The following MTERF4 variants were observed in gnomAD, a reference collection of about 807,000 sequenced individuals.
The protein encoded by MTERF4 is mitochondrial transcription termination factor 4.
In MTERF4, 17 loss-of-function variants were observed where a neutral mutation model predicts 22.5. That is an observed-to-expected ratio of 0.75 (90% CI 0.52 to 1.13). MTERF4 has a LOEUF of 1.13. Ranked by LOEUF, MTERF4 falls within the 50% of genes most tolerant of loss-of-function variation. The pLI, the probability that MTERF4 is intolerant of heterozygous loss-of-function variation, is 0.00. For synonymous variants in MTERF4, 165 were observed against 175.3 expected, an observed-to-expected ratio of 0.94 and a Z score of 0.47; for missense variants, 420 against 466.8, an observed-to-expected ratio of 0.90 and a Z score of 0.92.
exon 5 of MTERF4, chr2:241,074,833 G>A (rs536746869): frequency 6.6e-6 from 1 of 152,236 alleles, no homozygotes; most frequent in Admixed American, 6.5e-5. Context: ...GGATGTGAAC[G>A]ATACCTTCTA....
downstream of MTERF4, among the ~76,000 whole-genome samples, chr2:241,085,529 G>A (rs2063530934): frequency 2.0e-5 from 3 of 151,968 alleles, no homozygotes; most frequent in South Asian, 2.1e-4. Context: ...GATATTTTAA[G>A]GTCCTCATCT....
the MTERF4 span, among the ~76,000 whole-genome samples, chr2:241,051,020 G>C: frequency 5.0e-3 from 757 of 152,350 alleles, 4 homozygotes; most frequent in African/African-American, 0.016. This position sits in a 1 kb window ranked among gnomAD's most constrained non-coding sequence, Gnocchi z 4.7. Flanking sequence ...GGACAAGGAT[G>C]GCTGTCCTCA....
chr2:241,089,483 G>A (rs992872342), downstream of MTERF4: 5 of 1,507,976 alleles, frequency 3.3e-6, no homozygotes, highest in African/African-American at 5.6e-5. Flanking sequence ...CCCCTTGGGG[G>A]AAAGGTCTGG....
At chr2:241,048,947 CCATCCTTGA>C in the MTERF4 span, 1 of 1,385,726 alleles carries the variant, frequency 7.2e-7, no homozygotes, top group East Asian at 2.5e-5. Flanking sequence ...TTGGGAGGCC[CCATCCTTGA>C]CAAGGACTCG....
In MTERF4 at chr2:241,095,615, A is replaced by G. The variant is rs2064360616; in HGVS notation, c.*383T>C. 1 of 202,238 alleles carries G rather than the reference A, an allele frequency of 4.9e-6. No individual in the cohort carries two copies. Among genetic ancestry groups the G allele is most frequent in the African/African-American group, 2.3e-5 (1 of 42,830 alleles). 12.5% of individuals were successfully genotyped at this position (202,238 alleles called of 1,614,324 possible). A position where few individuals can be genotyped will look rare whatever the true frequency, so the allele number is the denominator to read the frequency against. On this transcript the variant is annotated 3_prime_UTR_variant, in exon 4 of 4. Transcript: ENST00000391980. Reference sequence around the variant, plus strand: ...TTTTTATCACAAGAAGGAAATACATAGTGATTCCTGAACCGGAAGAATGAA... The same window carrying G: ...TTTTTATCACAAGAAGGAAATACATGGTGATTCCTGAACCGGAAGAATGAA...
At chr2:241,054,269 C>A in the MTERF4 span, among the ~76,000 whole-genome samples, 1 of 152,160 alleles carries the variant, frequency 6.6e-6, no homozygotes, top group Non-Finnish European at 1.5e-5. Flanking sequence ...ATCGAGACAC[C>A]TGAAAAGTAC....
At chr2:241,090,154 CG>C, downstream of MTERF4, 1 of 1,461,550 alleles carries the variant, frequency 6.8e-7, no homozygotes, top group Non-Finnish European at 9.1e-7. Flanking sequence ...ACACACTGTA[CG>C]GATGTTCAAA....
chr2:241,096,483 G>A lies in MTERF4; in HGVS notation c.706-45C>T, dbSNP rs755362098. On this transcript the variant is annotated intron_variant, in intron 3 of 3. Transcript: ENST00000391980. The surrounding 1 kb of genome is among the most constrained non-coding windows in gnomAD (Gnocchi z 5.1). ...TTAGGAGTCCCAGATACAGAGTATT[G>A]AAACCTATCATTCTATAAACCATAA... The A allele has an allele frequency of 1.3e-6, 2 of 1,591,890 alleles. No homozygotes were observed. The highest frequency in any genetic ancestry group is 2.2e-5 in the South Asian group (2 of 90,404).
At chr2:241,087,728 A>G, downstream of MTERF4, 1 of 1,331,534 alleles carries the variant, frequency 7.5e-7, no homozygotes, top group Non-Finnish European at 9.6e-7. Flanking sequence ...ATGCATATTC[A>G]CACAGAACAT....
At chr2:241,057,309 G>C in the MTERF4 span, among the ~76,000 whole-genome samples, 2 of 150,618 alleles carry the variant, frequency 1.3e-5, no homozygotes, top group African/African-American at 4.9e-5. Context: ...AACCTCGGAG[G>C]CGGAGGTTGC....
chr2:241,097,158 G>A, intron 3 of MTERF4, 85 bp downstream of exon 3: 1 of 1,499,414 alleles, frequency 6.7e-7, no homozygotes, highest in East Asian at 2.3e-5. Flanking sequence ...CACGGTACCA[G>A]TCATTCTCAC....
exon 5 of MTERF4, chr2:241,074,768 A>G (rs1475276425): frequency 6.6e-6 from 1 of 152,176 alleles, no homozygotes; most frequent in African/African-American, 2.4e-5. Flanking sequence ...GCTACCTTTT[A>G]TTTAGTTATT....
At chr2:241,098,191 AGTTTAG>A (rs1383996856) in intron 2 of MTERF4, among the ~76,000 whole-genome samples, 5 of 152,354 alleles carry the variant, frequency 3.3e-5, no homozygotes, top group Admixed American at 6.5e-5. Flanking sequence ...GAGGAATTTC[AGTTTAG>A]GTTTATCTTC....
chr2:241,064,259 TG>T, the MTERF4 span: 1 of 632,368 alleles, frequency 1.6e-6, no homozygotes, highest in Non-Finnish European at 2.7e-6. The surrounding 1 kb of genome is among the most constrained non-coding windows in gnomAD (Gnocchi z 7.0). Context: ...CCCGCCGCCT[TG>T]GAAGTCCCCT....
the MTERF4 span, chr2:241,048,212 G>C: frequency 7.5e-7 from 1 of 1,335,820 alleles, no homozygotes; most frequent in Admixed American, 3.0e-5. Context: ...ACTTGGGAAT[G>C]ACAACAGAGG....
chr2:241,057,380 A>AAAAAAAATAT, the MTERF4 span, among the ~76,000 whole-genome samples: 1 of 118,132 alleles, frequency 8.5e-6, no homozygotes, highest in African/African-American at 3.8e-5. Context: ...TCCATCTCAA[A>AAAAAAAATAT]ATATATATAT....
chr2:241,077,987 A>G (rs2063108642), intron 4 of MTERF4, among the ~76,000 whole-genome samples: 1 of 152,156 alleles, frequency 6.6e-6, no homozygotes, highest in Non-Finnish European at 1.5e-5. Flanking sequence ...TATACCCAAG[A>G]GAAATGAAAA....
downstream of MTERF4, chr2:241,087,591 C>T (rs1157265018): frequency 4.1e-6 from 6 of 1,453,270 alleles, no homozygotes; most frequent in Non-Finnish European, 5.4e-6. Context: ...GCGGTCTACT[C>T]GCCCAGATAG....
At chr2:241,067,160 G>C in the MTERF4 span, among the ~76,000 whole-genome samples, 1 of 152,230 alleles carries the variant, frequency 6.6e-6, no homozygotes, top group African/African-American at 2.4e-5. Context: ...GCCAGCCATG[G>C]TGGGTGGAAG....
Sources: allele counts gnomAD v4.1 joint callset (sites outside exome capture counted in the v4.1 genomes callset), GRCh38; gene constraint gnomAD v4.1.1; non-coding constraint Gnocchi (gnomAD v3.1); transcripts MANE v1.5; gene names NCBI Gene and HGNC (gene_info 2026-07-23, HGNC 2026-07-21).